Variants in PLEKHA4 observed in about 807,000 individuals in gnomAD.
PLEKHA4 encodes pleckstrin homology domain containing A4.
In PLEKHA4, 73 loss-of-function variants were observed where a neutral mutation model predicts 94.7. That is an observed-to-expected ratio of 0.77 (90% CI 0.64 to 0.94). The LOEUF (loss-of-function observed/expected upper bound fraction) is 0.94, where lower values mean the gene tolerates loss of function less well. PLEKHA4 is among the 40% of genes least tolerant of loss of function. The probability of loss-of-function intolerance (pLI) is 0.00; values close to 1 mark genes in which losing one functional copy is unlikely to be tolerated. For missense variants in PLEKHA4, 1,049 were observed against 1,054.1 expected (o/e 1.00, Z 0.07); for synonymous variants, 449 against 437.1 (o/e 1.03, Z -0.34).
chr19:48,860,521 G>A, intron 5 of PLEKHA4, 62 bp from the exon 6 acceptor site: 2 of 1,288,246 alleles, frequency 1.6e-6, no homozygotes, highest in Admixed American at 1.7e-5. Context: ...GGACAGGCCG[G>A]ACCGGTGACT....
At chr19:48,844,192 T>A (rs79040033) in intron 16 of PLEKHA4, among the ~76,000 whole-genome samples, 1 of 150,760 alleles carries the variant, frequency 6.6e-6, no homozygotes, top group African/African-American at 2.4e-5. Flanking sequence ...TCTCGCTCTG[T>A]TGCCCAGGCT....
rs757138829 is a variant in PLEKHA4, at chr19:48,858,968, G to A, written c.864C>T (p.Arg288=). The part of the protein sequence containing the change: ...VRPPLDWGPQ[R]QTLSRPPTPR... ...GAGTAGGGGGTCGGGAGAGGGTCTG[G>A]CGTTGGGGGCCCCAATCCAGAGGAG... is the stretch of plus-strand genomic sequence containing the variant. Residue 288 remains arginine (R), a synonymous_variant, in exon 8 of 20, where the codon CGC becomes CGT. Coordinates refer to ENST00000263265, the MANE Select transcript of PLEKHA4 (RefSeq NM_020904.3). 3.8e-6 allele frequency: 6 copies of A among 1,589,152 alleles called. No individual in the cohort carries two copies. In the South Asian group the frequency reaches 6.8e-5, roughly 18 times the overall value.
chr19:48,856,038 G>A (rs1001264734), intron 9 of PLEKHA4, among the ~76,000 whole-genome samples: 1 of 151,666 alleles, frequency 6.6e-6, no homozygotes, highest in Non-Finnish European at 1.5e-5. Context: ...AGGGCGTGGT[G>A]GTGGGTGCCT....
At chr19:48,842,822 G>C (rs567751450) in intron 16 of PLEKHA4, among the ~76,000 whole-genome samples, 1 of 152,132 alleles carries the variant, frequency 6.6e-6, no homozygotes, top group South Asian at 2.1e-4. Context: ...TCTCACACTG[G>C]GTGTGACTCC....
intron 14 of PLEKHA4, among the ~76,000 whole-genome samples, chr19:48,847,000 G>C (rs1036275336): frequency 6.6e-6 from 1 of 152,146 alleles, no homozygotes; most frequent in African/African-American, 2.4e-5. Context: ...TCCTGCCTCA[G>C]TCTCCCAAGT....
intron 18 of PLEKHA4, 114 bp from the exon 19 acceptor site, chr19:48,838,243 C>T: frequency 1.7e-6 from 1 of 585,700 alleles, no homozygotes; most frequent in Middle Eastern, 4.4e-4. Context: ...GATAGCACAA[C>T]AGAATGACTA....
In PLEKHA4 at chr19:48,861,616, T is replaced by A; in HGVS notation, c.265+4A>T. 6.2e-7 allele frequency: 1 copy of A among 1,614,120 alleles called. No homozygotes were observed. On this transcript the variant is annotated splice_donor_region_variant and intron_variant, in intron 4 of 19. Coordinates refer to ENST00000263265, the MANE Select transcript of PLEKHA4 (RefSeq NM_020904.3). Reference sequence around the variant, plus strand: ...CACCCCAAGCCAGCCAGCCAGCCACTGACCCTTGTAATAAAAGAGGCAATG... The same window carrying A: ...CACCCCAAGCCAGCCAGCCAGCCACAGACCCTTGTAATAAAAGAGGCAATG...
Position 48,859,058 on chromosome 19 carries a change from G to C in PLEKHA4, c.774C>G (p.Ala258=). 2 of 1,493,954 alleles carry C rather than the reference G, an allele frequency of 1.3e-6. No homozygotes were observed. Among genetic ancestry groups the C allele is most frequent in the South Asian group, 2.4e-5 (2 of 82,058 alleles). 92.5% of individuals were successfully genotyped at this position (1,493,954 alleles called of 1,614,324 possible). Residue 258 remains alanine, a synonymous_variant, in exon 8 of 20, where the codon GCC becomes GCG. Transcript: ENST00000263265. ...PRSAPARRPP[A]PSGDTAPPAR... is the part of the protein sequence containing the mutation. ...CAGGGGGTGCTGTGTCTCCTGAGGG[G>C]GCAGGGGGTCGCCGCGCAGGGGCAG...
chr19:48,853,781 G>T lies in PLEKHA4; in HGVS notation c.1227C>A (p.Ala409=). 6.2e-7 allele frequency: 1 copy of T among 1,613,470 alleles called. No individual in the cohort carries two copies. Among genetic ancestry groups the T allele is most frequent in the Middle Eastern group, 1.7e-4 (1 of 6,056 alleles). ...LELTRQQLGQ[A]TREAGAPGRA... ...TCCCGGGAGCCCCAGCCTCCCTGGTGGCTTGGCCCAGCTGTTGCCGGGTCA... is the reference window on the plus strand; with the variant it reads ...TCCCGGGAGCCCCAGCCTCCCTGGTTGCTTGGCCCAGCTGTTGCCGGGTCA... The change falls in exon 12 of 20, where the codon GCC becomes GCA. Residue 409 remains alanine (A), a synonymous_variant. Transcript: ENST00000263265.
At chr19:48,842,802 C>T (rs540538582) in intron 16 of PLEKHA4, among the ~76,000 whole-genome samples, 50 of 152,334 alleles carry the variant, frequency 3.3e-4, no homozygotes, top group Admixed American at 3.3e-3. Context: ...ACACAGTAAC[C>T]TCTGGAGGGT....
rs113645066 is a variant in PLEKHA4 at position 48,863,432 on chromosome 19, G to GTTT, written c.193-1743_193-1741dup. On this transcript the variant is annotated intron_variant, in intron 3 of 19. Transcript: ENST00000263265. ...CCATGCAGGCTAATTTAGGTTTTTT[G>GTTT]TTTTTTTTTTTTTTTGAGACGGAGT... is the stretch of plus-strand genomic sequence containing the variant. Among the ~76,000 whole-genome samples, 705 of 104,732 alleles carry GTTT rather than the reference G, an allele frequency of 6.7e-3. 24 individuals carry two copies. The highest frequency in any genetic ancestry group is 0.022 in the African/African-American group (653 of 29,236). The allele number at this position is 104,732 out of a possible 152,430, so 68.7% of individuals were successfully genotyped here.
Position 48,851,056 on chromosome 19 carries a change from G to A in PLEKHA4, c.1425+1172C>T, listed in dbSNP as rs544084583. The stretch of plus-strand genomic sequence containing the variant: ...CTTGGGAGGCTGAGGGAGGAGAATC[G>A]TTTGAACCTGGGAGGCGGAGGTTGC... On this transcript the variant is annotated intron_variant, in intron 13 of 19. Transcript: ENST00000263265. Among the ~76,000 whole-genome samples, 27 of 152,120 alleles carry A rather than the reference G, an allele frequency of 1.8e-4. No individual in the cohort carries two copies. The East Asian group carries it at 5.0e-3, about 28-fold the overall frequency.
intron 14 of PLEKHA4, among the ~76,000 whole-genome samples, chr19:48,846,270 A>G (rs1599877602): frequency 6.6e-6 from 1 of 150,598 alleles, no homozygotes; most frequent in Non-Finnish European, 1.5e-5. Context: ...AAACGGTGAA[A>G]CCCCGTCTCT....
intron 18 of PLEKHA4, 104 bp downstream of exon 18, chr19:48,839,101 G>A (rs1311623900): frequency 8.6e-6 from 6 of 695,898 alleles, no homozygotes; most frequent in Admixed American, 3.1e-5. Flanking sequence ...GAAGGGTTGC[G>A]ATTTGTACTT....
At chr19:48,838,723 C>T (rs1409698263) in intron 18 of PLEKHA4, among the ~76,000 whole-genome samples, 2 of 147,700 alleles carry the variant, frequency 1.4e-5, no homozygotes, top group Admixed American at 6.8e-5. Flanking sequence ...ACTGAGATCA[C>T]GCCATTGCAC....
chr19:48,851,485 G>A (rs1430359498), intron 13 of PLEKHA4, among the ~76,000 whole-genome samples: 4 of 150,076 alleles, frequency 2.7e-5, no homozygotes, highest in East Asian at 2.0e-4. Context: ...GCGTGGTGGC[G>A]GGCACCTGTA....
chr19:48,839,745 A>G (rs913221558), intron 17 of PLEKHA4, among the ~76,000 whole-genome samples: 1 of 151,974 alleles, frequency 6.6e-6, no homozygotes, highest in African/African-American at 2.4e-5. Context: ...AAAGCAGCAC[A>G]TGAGTTCAGA....
intron 7 of PLEKHA4, 102 bp from the exon 8 acceptor site, chr19:48,859,241 G>A (rs971874333): frequency 7.0e-6 from 7 of 1,003,822 alleles, no homozygotes; most frequent in Non-Finnish European, 8.8e-6. Flanking sequence ...ACTTCACTGT[G>A]TCTTACTGTC....
rs1472589256 is a variant in PLEKHA4 at position 48,837,852 on chromosome 19, C to T, written c.2077+165G>A. On this transcript the variant is annotated intron_variant, in intron 19 of 19. Transcript: ENST00000263265. The surrounding 1 kb of genome is among the most constrained non-coding windows in gnomAD (Gnocchi z 4.3). ...TCCCAAGTGTCCCGGACCCCAGTCACCTCTTGCCTGAGACCTAAAACTCCC... is the reference window on the plus strand; with the variant it reads ...TCCCAAGTGTCCCGGACCCCAGTCATCTCTTGCCTGAGACCTAAAACTCCC... Among the ~76,000 whole-genome samples the T allele has an allele frequency of 6.6e-6, 1 of 151,730 alleles. No homozygotes were observed. The highest frequency in any genetic ancestry group is 1.5e-5 in the Non-Finnish European group (1 of 67,934).
Sources: gnomAD v4.1 joint callset for allele counts (sites outside exome capture counted in the v4.1 genomes callset) on GRCh38, gnomAD v4.1.1 for gene constraint, Gnocchi (gnomAD v3.1) non-coding constraint, MANE v1.5 for transcripts, NCBI Gene and HGNC (gene_info 2026-07-23, HGNC 2026-07-21) for gene names.